Variants in BNC2 observed in about 807,000 individuals in gnomAD.
BNC2 encodes the protein basonuclin zinc finger protein 2, also known as zinc finger protein basonuclin-2.
BNC2 carries 20 observed loss-of-function variants against 76.3 expected under a neutral mutation model. The observed-to-expected ratio is 0.26, with a 90% CI of 0.18 to 0.38. The LOEUF is 0.38. Ranked by LOEUF, BNC2 falls within the 10% of genes least tolerant of loss-of-function variation. BNC2 has a pLI of 1.00. For synonymous variants in BNC2, 582 were observed against 514.8 expected, an observed-to-expected ratio of 1.13 and a Z score of -1.77; for missense variants, 1,382 against 1,399.8, an observed-to-expected ratio of 0.99 and a Z score of 0.20.
chr9:16,599,626 A>G (rs970089828), intron 3 of BNC2, among the ~76,000 whole-genome samples: 1 of 152,162 alleles, frequency 6.6e-6, no homozygotes, highest in African/African-American at 2.4e-5. Context: ...TCTATTAAAA[A>G]TACAAAAATA....
At chr9:16,602,753 G>A (rs1228684092) in intron 3 of BNC2, among the ~76,000 whole-genome samples, 1 of 152,166 alleles carries the variant, frequency 6.6e-6, no homozygotes, top group Non-Finnish European at 1.5e-5. Flanking sequence ...TGACTTTTCA[G>A]CCACTTCCTC....
At chr9:16,699,253 C>T in intron 3 of BNC2, 2 of 468,516 alleles carry the variant, frequency 4.3e-6, no homozygotes, top group Non-Finnish European at 8.8e-6. Context: ...CAAAAAAGTC[C>T]CTTATAGAAG....
intron 1 of BNC2, chr9:16,832,458 A>G (rs1818598539): frequency 4.9e-6 from 1 of 205,174 alleles, no homozygotes; most frequent in African/African-American, 2.4e-5. Flanking sequence ...CTATCATGTC[A>G]TCAGTGTAGG....
In BNC2 at chr9:16,437,381, C is replaced by T. The variant is rs1563783373; in HGVS notation, c.813G>A (p.Val271=). ...MAIQEKEGQA[V]AVPSSKTDSD... ...AGTCTGTCTTTGAAGATGGTACAGC[C>T]ACGGCCTGCCCTTCTTTCTCCTGAA... Residue 271 remains valine, a synonymous_variant, in exon 6 of 7, where the codon GTG becomes GTA. Coordinates refer to ENST00000380672, the MANE Select transcript of BNC2 (RefSeq NM_017637.6). The T allele has an allele frequency of 1.9e-6, 3 of 1,612,578 alleles. No homozygotes were observed.
intron 5 of BNC2, among the ~76,000 whole-genome samples, chr9:16,520,626 G>C (rs370972031): frequency 5.9e-5 from 9 of 152,178 alleles, no homozygotes; most frequent in African/African-American, 2.2e-4. Context: ...TGTAGACCAA[G>C]GGAGACTCCT....
intron 2 of BNC2, among the ~76,000 whole-genome samples, chr9:16,737,908 G>C (rs1380647015): frequency 6.6e-6 from 1 of 152,034 alleles, no homozygotes; most frequent in Admixed American, 6.6e-5. Context: ...GGTATATTCA[G>C]TGTGTAAAAT....
chr9:16,632,176 G>A (rs919456463), intron 3 of BNC2, among the ~76,000 whole-genome samples: 2 of 152,082 alleles, frequency 1.3e-5, no homozygotes, highest in Admixed American at 1.3e-4. Context: ...TCTTGCATAT[G>A]ATGGTAGGAA....
At chr9:16,686,375 CT>C (rs1822979411) in intron 3 of BNC2, among the ~76,000 whole-genome samples, 1 of 152,136 alleles carries the variant, frequency 6.6e-6, no homozygotes, top group Admixed American at 6.5e-5. Flanking sequence ...CCTACTGTCC[CT>C]TGCTTATTTC....
At chr9:16,465,119 A>C (rs950290477) in intron 5 of BNC2, among the ~76,000 whole-genome samples, 24 of 152,220 alleles carry the variant, frequency 1.6e-4, no homozygotes, top group African/African-American at 5.5e-4. Context: ...CCACTCTGGT[A>C]TATTTACAGG....
intron 4 of BNC2, among the ~76,000 whole-genome samples, chr9:16,557,578 G>A (rs1020862254): frequency 6.6e-6 from 1 of 151,862 alleles, no homozygotes; most frequent in African/African-American, 2.4e-5. Flanking sequence ...TAAAAGTGAA[G>A]CTGTTCTAGG....
At chr9:16,727,526 C>T in intron 3 of BNC2, 1 of 426,308 alleles carries the variant, frequency 2.3e-6, no homozygotes, top group Non-Finnish European at 4.1e-6. Context: ...TTCCCCTGAC[C>T]CAGATTGTAC....
At chr9:16,841,604 G>A (rs1417916173) in intron 1 of BNC2, among the ~76,000 whole-genome samples, 1 of 152,000 alleles carries the variant, frequency 6.6e-6, no homozygotes, top group Non-Finnish European at 1.5e-5. Flanking sequence ...ATCCTTGAGT[G>A]GTTTCACTGC....
chr9:16,788,378 C>A (rs1409610009), intron 1 of BNC2, among the ~76,000 whole-genome samples: 1 of 151,622 alleles, frequency 6.6e-6, no homozygotes, highest in East Asian at 2.0e-4. Context: ...ATGGTGAAAC[C>A]CCGTCTCTAC....
chr9:16,565,754 G>C (rs1367186500), intron 4 of BNC2, among the ~76,000 whole-genome samples: 1 of 151,348 alleles, frequency 6.6e-6, no homozygotes, highest in African/African-American at 2.4e-5. Flanking sequence ...GCTGCAGTGA[G>C]CCAAGATTGC....
At chr9:16,766,067 G>GT (rs1435644550) in intron 1 of BNC2, among the ~76,000 whole-genome samples, 1 of 152,146 alleles carries the variant, frequency 6.6e-6, no homozygotes, top group Non-Finnish European at 1.5e-5. Context: ...GATTACAGGC[G>GT]TGAGCCACCG....
intron 1 of BNC2, among the ~76,000 whole-genome samples, chr9:16,830,652 A>G (rs1235243729): frequency 1.3e-5 from 2 of 152,328 alleles, no homozygotes. Flanking sequence ...CAACTTACAA[A>G]TCTTGTTTCC....
chr9:16,507,250 CTTTTTTTTTTTT>C (rs36072200), intron 5 of BNC2, among the ~76,000 whole-genome samples: 7 of 83,170 alleles, frequency 8.4e-5, no homozygotes, highest in Admixed American at 3.5e-4. Flanking sequence ...TGTCCATTTG[CTTTTTTTTTTTT>C]TTTTTTTTTT....
chr9:16,762,701 AAG>A (rs2135394099), intron 1 of BNC2, among the ~76,000 whole-genome samples: 1 of 152,348 alleles, frequency 6.6e-6, no homozygotes, highest in South Asian at 2.1e-4. Flanking sequence ...TTCAAGAAGA[AAG>A]AGAAAGATAA....
intron 3 of BNC2, among the ~76,000 whole-genome samples, chr9:16,704,550 C>T (rs1347304199): frequency 7.3e-6 from 1 of 137,494 alleles, no homozygotes; most frequent in African/African-American, 2.6e-5. Context: ...GGATTTAGCC[C>T]TTCTAAATGC....
Sources: allele counts gnomAD v4.1 joint callset (sites outside exome capture counted in the v4.1 genomes callset), GRCh38; gene constraint gnomAD v4.1.1; transcripts MANE v1.5; gene names NCBI Gene and HGNC (gene_info 2026-07-23, HGNC 2026-07-21).